MAP3K5: variants seen among roughly 807,000 people sequenced by gnomAD.
MAP3K5 encodes mitogen-activated protein kinase kinase kinase 5, also known as ASK-1.
MAP3K5 carries 56 observed loss-of-function variants against 158.7 expected under a neutral mutation model. The ratio of observed to expected loss-of-function variants is 0.35; its 90% confidence interval spans 0.28 to 0.44. The LOEUF (loss-of-function observed/expected upper bound fraction) is 0.44. Among genes scored for constraint, MAP3K5 ranks in the 20% least tolerant of loss-of-function variants. MAP3K5 has a pLI of 1.00. For missense variants in MAP3K5, 1,294 were observed against 1,674.8 expected (o/e 0.77, Z 3.97); for synonymous variants, 579 against 601.7 (o/e 0.96, Z 0.55).
At chr6:136,663,893 G>A (rs1779117052) in intron 8 of MAP3K5, among the ~76,000 whole-genome samples, 1 of 152,098 alleles carries the variant, frequency 6.6e-6, no homozygotes, top group Non-Finnish European at 1.5e-5. Context: ...TTACAGGCAT[G>A]AGCCACCATG....
chr6:136,573,327 C>T (rs190404076), intron 25 of MAP3K5, among the ~76,000 whole-genome samples: 2 of 152,286 alleles, frequency 1.3e-5, no homozygotes, highest in Admixed American at 1.3e-4. Context: ...CAGTTGGCTC[C>T]CCTGGTTCTC....
chr6:136,578,452 C>T (rs1166897380), intron 25 of MAP3K5, among the ~76,000 whole-genome samples: 2 of 152,192 alleles, frequency 1.3e-5, no homozygotes. Context: ...CAGTTACCCT[C>T]TGGTGAGGGT....
chr6:136,671,790 ATT>A (rs566616523), intron 7 of MAP3K5, among the ~76,000 whole-genome samples: 10 of 136,932 alleles, frequency 7.3e-5, no homozygotes, highest in Non-Finnish European at 3.2e-5. Flanking sequence ...ATTTTTTTGT[ATT>A]TTTTTTTTTT....
intron 1 of MAP3K5, among the ~76,000 whole-genome samples, chr6:136,736,864 G>A (rs979711399): frequency 1.3e-5 from 2 of 151,364 alleles, no homozygotes; most frequent in African/African-American, 4.9e-5. Flanking sequence ...TTTTTCTAGA[G>A]ACAGTGTCTT....
intron 25 of MAP3K5, among the ~76,000 whole-genome samples, chr6:136,572,467 G>T (rs1583201642): frequency 6.6e-6 from 1 of 152,250 alleles, no homozygotes; most frequent in East Asian, 1.9e-4. Flanking sequence ...ATATTGGTCA[G>T]GCTGGTCTCA....
intron 12 of MAP3K5, among the ~76,000 whole-genome samples, chr6:136,639,928 C>T (rs1437182226): frequency 6.6e-6 from 1 of 152,184 alleles, no homozygotes; most frequent in Admixed American, 6.5e-5. Context: ...AGGTGTCCTG[C>T]CTACTACACT....
intron 1 of MAP3K5, among the ~76,000 whole-genome samples, chr6:136,781,457 A>G: frequency 6.6e-6 from 1 of 152,242 alleles, no homozygotes; most frequent in East Asian, 1.9e-4. Flanking sequence ...TGATCCTCTT[A>G]AACAGAATAT....
intron 25 of MAP3K5, among the ~76,000 whole-genome samples, chr6:136,577,569 A>G (rs934717479): frequency 6.6e-6 from 1 of 152,246 alleles, no homozygotes; most frequent in African/African-American, 2.4e-5. Flanking sequence ...CACATGGTTG[A>G]TCACAGCAGT....
Position 136,566,245 on chromosome 6 carries a change from G to A in MAP3K5, c.3761+1386C>T, listed in dbSNP as rs1774106090. On this transcript the variant is annotated intron_variant, in intron 26 of 29. Transcript: ENST00000359015. ...AGGCAGGTCCTATTGACACAGCCAG[G>A]TGTGTAGACAGGAGGTTTCAGGGCC... 2.0e-5 allele frequency among the ~76,000 whole-genome samples: 3 copies of A among 152,220 alleles called. 1 individual carries two copies. In the South Asian group the frequency reaches 6.2e-4, roughly 32 times the overall value.
chr6:136,705,109 C>A lies in MAP3K5; in HGVS notation c.612+1G>T. ...TCTGGAAGGTTAAATAAAGTACTCA[C>A]AGTATTCTTCTGGCAAATTATTTCC... is the stretch of plus-strand genomic sequence containing the variant. On this transcript the variant is annotated splice_donor_variant, in intron 3 of 29. Coordinates refer to ENST00000359015, the MANE Select transcript of MAP3K5 (RefSeq NM_005923.4). LOFTEE classifies it high-confidence loss of function. The A allele has an allele frequency of 8.3e-7, 1 of 1,203,906 alleles. No homozygotes were observed. Among genetic ancestry groups the A allele is most frequent in the Non-Finnish European group, 1.2e-6 (1 of 855,950 alleles). 74.6% of individuals were successfully genotyped at this position (1,203,906 alleles called of 1,614,324 possible).
chr6:136,587,552 C>T (rs1164878733), intron 23 of MAP3K5, among the ~76,000 whole-genome samples: 2 of 152,156 alleles, frequency 1.3e-5, no homozygotes, highest in Non-Finnish European at 2.9e-5. Flanking sequence ...GCAAGCTAAG[C>T]CCAAGCTCCT....
chr6:136,755,273 G>A (rs1421956923), intron 1 of MAP3K5, among the ~76,000 whole-genome samples: 1 of 151,954 alleles, frequency 6.6e-6, no homozygotes, highest in East Asian at 1.9e-4. Flanking sequence ...CTTCCTCCTA[G>A]ATCCTCATGC....
intron 25 of MAP3K5, among the ~76,000 whole-genome samples, chr6:136,577,364 C>T (rs574989632): frequency 6.6e-5 from 10 of 152,116 alleles, no homozygotes; most frequent in Non-Finnish European, 1.5e-4. Context: ...CTTATCTTAT[C>T]CTGAGGGAAA....
chr6:136,750,972 C>T (rs895920345), intron 1 of MAP3K5, among the ~76,000 whole-genome samples: 3 of 152,148 alleles, frequency 2.0e-5, no homozygotes, highest in African/African-American at 4.8e-5. Context: ...CCAGAGAATA[C>T]GTTCCTCTCT....
At chr6:136,611,107 C>CAAAAAAAAAAAAAAAAAAAAA (rs59508317) in intron 18 of MAP3K5, among the ~76,000 whole-genome samples, 175 bp downstream of exon 18, 2 of 24,434 alleles carry the variant, frequency 8.2e-5, no homozygotes, top group Admixed American at 6.4e-4. Context: ...GACCCTGTCT[C>CAAAAAAAAAAAAAAAAAAAAA]AAAAAAAAAA....
intron 11 of MAP3K5, among the ~76,000 whole-genome samples, chr6:136,644,430 C>CTA (rs1385074992): frequency 6.6e-6 from 1 of 152,200 alleles, no homozygotes; most frequent in Non-Finnish European, 1.5e-5. Context: ...GCAGCGCTAG[C>CTA]TATAATTAGC....
intron 3 of MAP3K5, among the ~76,000 whole-genome samples, chr6:136,702,292 C>T (rs566450609): frequency 6.6e-6 from 1 of 152,070 alleles, no homozygotes; most frequent in Admixed American, 6.5e-5. Context: ...AGTGAGTATG[C>T]AGTGGAGGAA....
chr6:136,625,778 G>C (rs934666518), intron 14 of MAP3K5, among the ~76,000 whole-genome samples: 2 of 151,848 alleles, frequency 1.3e-5, no homozygotes, highest in Non-Finnish European at 2.9e-5. Flanking sequence ...AACTATGTAA[G>C]GAAACAATTC....
At chr6:136,736,582 GACAGGTGGCTGGAC>G (rs1237575893) in intron 1 of MAP3K5, among the ~76,000 whole-genome samples, 1 of 152,176 alleles carries the variant, frequency 6.6e-6, no homozygotes, top group East Asian at 1.9e-4. Flanking sequence ...ACTGCTGACA[GACAGGTGGCTGGAC>G]TTCACTGACT....
Sources: allele counts gnomAD v4.1 joint callset (sites outside exome capture counted in the v4.1 genomes callset), GRCh38; gene constraint gnomAD v4.1.1; transcripts MANE v1.5; gene names NCBI Gene and HGNC (gene_info 2026-07-23, HGNC 2026-07-21).